Variants in COBL observed in about 807,000 individuals in gnomAD.
The protein encoded by COBL is protein cordon-bleu.
Under a neutral mutation model 98.8 loss-of-function variants are expected in COBL, and 51 were observed. The ratio of observed to expected loss-of-function variants is 0.52; its 90% CI spans 0.41 to 0.65. The LOEUF (loss-of-function observed/expected upper bound fraction) is 0.65, where lower values mean the gene tolerates loss of function less well. Among genes scored for constraint, COBL ranks in the 30% least tolerant of loss-of-function variants. COBL has a pLI of 0.00. For missense variants in COBL, 1,617 were observed against 1,617.5 expected (o/e 1.00, Z 0.01); for synonymous variants, 634 against 651.7 (o/e 0.97, Z 0.41).
At chr7:51,023,443 G>C (rs1266269461) in intron 12 of COBL, among the ~76,000 whole-genome samples, 3 of 152,194 alleles carry the variant, frequency 2.0e-5, no homozygotes, top group African/African-American at 7.2e-5. Context: ...TTTGCTGGCT[G>C]ATGTCTCAGG....
At chr7:51,137,867 G>T (rs1799387516) in intron 5 of COBL, among the ~76,000 whole-genome samples, 1 of 152,098 alleles carries the variant, frequency 6.6e-6, no homozygotes, top group African/African-American at 2.4e-5. Context: ...AAGCTTGTGG[G>T]TAAGATTTCA....
rs116478578 is a variant in COBL at position 51,053,587 on chromosome 7, G to C, written c.1097-9895C>G. ...TGAGCCTCGTCTCTTGCATGCTGAA[G>C]AACAGACAATATTACAGGTCACTTT... is the stretch of plus-strand genomic sequence containing the variant. On this transcript the variant is annotated intron_variant, in intron 7 of 12. Transcript: ENST00000265136. Among the ~76,000 whole-genome samples, 458 of 152,368 alleles carry C rather than the reference G, an allele frequency of 3.0e-3. 3 individuals are homozygous for C. The highest frequency in any genetic ancestry group is 0.011 in the African/African-American group (442 of 41,600).
intron 1 of COBL, among the ~76,000 whole-genome samples, chr7:51,285,321 G>A (rs1563127006): frequency 1.3e-5 from 2 of 151,152 alleles, no homozygotes; most frequent in Non-Finnish European, 2.9e-5. Flanking sequence ...TTTGGACAGA[G>A]AGAAATAAAC....
chr7:51,064,896 C>A, intron 7 of COBL: 1 of 509,306 alleles, frequency 2.0e-6, no homozygotes, highest in Non-Finnish European at 3.5e-6. Flanking sequence ...TCTCCAGGGC[C>A]CTGCTGCCTG....
chr7:51,175,296 G>A (rs1455508281), intron 5 of COBL, among the ~76,000 whole-genome samples: 1 of 152,208 alleles, frequency 6.6e-6, no homozygotes, highest in African/African-American at 2.4e-5. Flanking sequence ...AAAAATTTGT[G>A]ACCAATTCCT....
At chr7:51,044,159 C>G (rs1789470774) in intron 7 of COBL, among the ~76,000 whole-genome samples, 1 of 152,214 alleles carries the variant, frequency 6.6e-6, no homozygotes, top group Non-Finnish European at 1.5e-5. Context: ...TATTTGAAAT[C>G]TGGCCTGGAA....
chr7:51,140,344 C>G (rs1455739717), intron 5 of COBL, among the ~76,000 whole-genome samples: 1 of 152,088 alleles, frequency 6.6e-6, no homozygotes, highest in Non-Finnish European at 1.5e-5. Flanking sequence ...CAATTAACTC[C>G]TTACATTCAG....
chr7:51,209,571 G>A (rs755356175), intron 2 of COBL, among the ~76,000 whole-genome samples: 1 of 152,156 alleles, frequency 6.6e-6, no homozygotes, highest in Admixed American at 6.5e-5. Flanking sequence ...ATGCAGACAC[G>A]ACAGTCCACA....
At chr7:51,287,985 A>C (rs1431150637) in intron 1 of COBL, among the ~76,000 whole-genome samples, 1 of 152,194 alleles carries the variant, frequency 6.6e-6, no homozygotes, top group Non-Finnish European at 1.5e-5. Flanking sequence ...GATGGAGAAC[A>C]AATCAGTGGT....
chr7:51,188,956 A>G (rs1478605300), intron 4 of COBL, among the ~76,000 whole-genome samples: 1 of 152,228 alleles, frequency 6.6e-6, no homozygotes, highest in Non-Finnish European at 1.5e-5. Flanking sequence ...AGATACCTGA[A>G]CGTGAAACAG....
At chr7:51,122,755 G>T (rs1293899761) in intron 6 of COBL, among the ~76,000 whole-genome samples, 4 of 152,256 alleles carry the variant, frequency 2.6e-5, no homozygotes, top group Middle Eastern at 3.4e-3. Context: ...GAGGTTGGTG[G>T]ATCACCTGAG....
chr7:51,282,220 A>G (rs1478225624), intron 1 of COBL, among the ~76,000 whole-genome samples: 1 of 152,138 alleles, frequency 6.6e-6, no homozygotes, highest in Non-Finnish European at 1.5e-5. Context: ...TCCTTCATTT[A>G]TGCAAATGAT....
At chr7:51,200,693 A>G (rs971830907) in intron 2 of COBL, among the ~76,000 whole-genome samples, 1 of 152,206 alleles carries the variant, frequency 6.6e-6, no homozygotes, top group African/African-American at 2.4e-5. Flanking sequence ...TCAAACCACA[A>G]AGAAAGATAC....
At position 51,185,728 on chromosome 7, in the gene COBL, A is replaced by C. The variant is rs116396439; in HGVS notation, c.686-1529T>G. ...CTGGGATTTTACAAATTCTGCCATC[A>C]GACTATTAATGCAAACAAGGTAACC... On this transcript the variant is annotated intron_variant, in intron 4 of 12. Transcript: ENST00000265136. 5.9e-3 allele frequency among the ~76,000 whole-genome samples: 906 copies of C among 152,378 alleles called. 12 individuals carry two copies. The highest frequency in any genetic ancestry group is 0.021 in the African/African-American group (861 of 41,588).
At chr7:51,141,703 C>T (rs1799767159) in intron 5 of COBL, among the ~76,000 whole-genome samples, 1 of 151,476 alleles carries the variant, frequency 6.6e-6, no homozygotes, top group Non-Finnish European at 1.5e-5. Flanking sequence ...CTGTTATCCA[C>T]ACTGGCTTTT....
chr7:51,029,141 T>C lies in COBL; in HGVS notation c.1955A>G (p.Tyr652Cys). The C allele has an allele frequency of 2.5e-6, 4 of 1,614,214 alleles. 1 individual carries two copies. The highest frequency in any genetic ancestry group is 2.7e-5 in the African/African-American group (2 of 75,054). ...NLNAKVKDKV[Y>C]GCADGERTQA... ...AGTCCTCTCCCCGTCAGCACAGCCATACACTTTGTCTTTCACTTTTGCATT... is the reference window on the plus strand; with the variant it reads ...AGTCCTCTCCCCGTCAGCACAGCCACACACTTTGTCTTTCACTTTTGCATT... Residue 652 changes from tyrosine to cysteine, a missense_variant, in exon 10 of 13, where the codon TAT becomes TGT. By Grantham distance (194) the Tyr-to-Cys change is radical. Coordinates refer to ENST00000265136, the MANE Select transcript of COBL (RefSeq NM_015198.5).
intron 6 of COBL, among the ~76,000 whole-genome samples, chr7:51,093,186 C>A (rs1229132692): frequency 1.3e-5 from 2 of 151,900 alleles, no homozygotes; most frequent in Non-Finnish European, 2.9e-5. Context: ...TAGCAAAAAA[C>A]TAAATAACTG....
chr7:51,196,346 G>A (rs1790591437), intron 2 of COBL, among the ~76,000 whole-genome samples: 1 of 152,160 alleles, frequency 6.6e-6, no homozygotes, highest in Non-Finnish European at 1.5e-5. Context: ...CAGGAATAAA[G>A]ACTACTTGAT....
intron 1 of COBL, among the ~76,000 whole-genome samples, chr7:51,233,219 A>G (rs1467862074): frequency 1.3e-5 from 2 of 152,238 alleles, no homozygotes; most frequent in African/African-American, 4.8e-5. Context: ...ATCTGCAGAG[A>G]CAGGCTGGCC....
Sources: gnomAD v4.1 joint callset for allele counts (sites outside exome capture counted in the v4.1 genomes callset) on GRCh38, gnomAD v4.1.1 for gene constraint, MANE v1.5 for transcripts, NCBI Gene and HGNC (gene_info 2026-07-23, HGNC 2026-07-21) for gene names.